Variants in IL1RAPL1 observed in about 807,000 individuals in gnomAD.
IL1RAPL1 encodes the protein interleukin-1 receptor accessory protein-like 1.
In IL1RAPL1, 3 loss-of-function variants were observed where a neutral mutation model predicts 48.4. That is an observed-to-expected ratio of 0.06 (90% confidence interval 0.03 to 0.16). IL1RAPL1 has a LOEUF of 0.16. Ranked by LOEUF, IL1RAPL1 falls within the 10% of genes least tolerant of loss-of-function variation. IL1RAPL1 has a pLI of 1.00. For missense variants in IL1RAPL1, 349 were observed against 530.6 expected (o/e 0.66, Z 3.36); for synonymous variants, 185 against 187.7 (o/e 0.99, Z 0.12).
Position 29,390,512 on chromosome X carries a change from A to G in IL1RAPL1, c.363-5746A>G, listed in dbSNP as rs1040471. Reference sequence around the variant, plus strand: ...ATGAAGTAGGAAAAGATTGCCAAACATTATGAAAATGGTATTTCCCTTAGG... The same window carrying G: ...ATGAAGTAGGAAAAGATTGCCAAACGTTATGAAAATGGTATTTCCCTTAGG... On this transcript the variant is annotated intron_variant, in intron 3 of 10. Coordinates refer to ENST00000378993, the MANE Select transcript of IL1RAPL1 (RefSeq NM_014271.4). Among the ~76,000 whole-genome samples the G allele has an allele frequency of 7.2e-5, 8 of 111,141 alleles. No homozygotes were observed. The East Asian group carries it at 2.0e-3, about 28-fold the overall frequency.
chrX:28,646,607 TG>T (rs1934613937), intron 1 of IL1RAPL1, among the ~76,000 whole-genome samples: 1 of 112,504 alleles, frequency 8.9e-6, no homozygotes, highest in Admixed American at 9.4e-5. Context: ...CAGAGCAGTG[TG>T]GCAATTCTGA....
intron 6 of IL1RAPL1, among the ~76,000 whole-genome samples, chrX:29,831,689 T>A (rs923461645): frequency 9.0e-6 from 1 of 111,674 alleles, no homozygotes; most frequent in Non-Finnish European, 1.9e-5. Flanking sequence ...AAAAGTATAA[T>A]ACTGACCTAA....
chrX:29,492,087 C>G (rs1935164722), intron 5 of IL1RAPL1, among the ~76,000 whole-genome samples: 1 of 112,034 alleles, frequency 8.9e-6, no homozygotes, highest in Non-Finnish European at 1.9e-5. Context: ...AATTCTCATT[C>G]TGACCTTAAC....
At chrX:29,915,045 T>C (rs376596051) in intron 6 of IL1RAPL1, among the ~76,000 whole-genome samples, 268 of 108,805 alleles carry the variant, frequency 2.5e-3, no homozygotes, top group Non-Finnish European at 3.0e-3. Context: ...CCTGTAATCC[T>C]AGCACTTTGG....
intron 3 of IL1RAPL1, among the ~76,000 whole-genome samples, chrX:29,318,033 C>T (rs915238122): frequency 1.8e-5 from 2 of 111,927 alleles, no homozygotes; most frequent in Non-Finnish European, 3.8e-5. Context: ...CAGCACCCAG[C>T]TCTCCAAGAT....
chrX:28,591,107 A>G (rs1203539336), intron 1 of IL1RAPL1, among the ~76,000 whole-genome samples: 1 of 111,873 alleles, frequency 8.9e-6, no homozygotes, highest in Non-Finnish European at 1.9e-5. Context: ...TCTATTTTCT[A>G]TTTTATTTCC....
intron 1 of IL1RAPL1, among the ~76,000 whole-genome samples, chrX:28,757,284 CAA>C: frequency 8.9e-6 from 1 of 112,573 alleles, no homozygotes; most frequent in East Asian, 2.8e-4. Flanking sequence ...TGACACAAAA[CAA>C]GAGAAAACAA....
chrX:28,914,153 G>A (rs937404350), intron 2 of IL1RAPL1, among the ~76,000 whole-genome samples: 2 of 110,817 alleles, frequency 1.8e-5, no homozygotes, highest in Non-Finnish European at 3.8e-5. Flanking sequence ...AGGAAACTCA[G>A]TGGGATGACA....
intron 3 of IL1RAPL1, among the ~76,000 whole-genome samples, chrX:29,311,078 G>A (rs1366427743): frequency 9.0e-6 from 1 of 111,688 alleles, no homozygotes; most frequent in Non-Finnish European, 1.9e-5. Flanking sequence ...GCCAAAAGTA[G>A]AGATCAAAGC....
chrX:28,771,278 C>T (rs1243199064), intron 1 of IL1RAPL1, among the ~76,000 whole-genome samples: 8 of 111,755 alleles, frequency 7.2e-5, no homozygotes, highest in Non-Finnish European at 1.5e-4. Flanking sequence ...GACTGCTTTT[C>T]TCTGTGTTAC....
intron 6 of IL1RAPL1, among the ~76,000 whole-genome samples, chrX:29,901,946 A>G (rs1932503574): frequency 8.9e-6 from 1 of 112,196 alleles, no homozygotes; most frequent in African/African-American, 3.2e-5. Context: ...CACTTTGTGG[A>G]TGACTTGAAA....
chrX:28,800,201 C>A (rs1226281844), intron 2 of IL1RAPL1, among the ~76,000 whole-genome samples: 3 of 111,840 alleles, frequency 2.7e-5, no homozygotes, highest in East Asian at 5.6e-4. Context: ...TGTCTTTAAT[C>A]TCCTTCTGCT....
At chrX:28,690,850 C>T (rs1935169695) in intron 1 of IL1RAPL1, among the ~76,000 whole-genome samples, 1 of 111,432 alleles carries the variant, frequency 9.0e-6, no homozygotes, top group Non-Finnish European at 1.9e-5. Context: ...AAACCCACAA[C>T]CTTTACAATT....
chrX:28,860,763 G>A (rs771917207), intron 2 of IL1RAPL1, among the ~76,000 whole-genome samples: 40 of 111,042 alleles, frequency 3.6e-4, no homozygotes, highest in Non-Finnish European at 6.6e-4. Flanking sequence ...CACTGCGCCT[G>A]GCCTATTTCC....
At chrX:28,916,142 T>C (rs984097174) in intron 2 of IL1RAPL1, among the ~76,000 whole-genome samples, 1 of 110,633 alleles carries the variant, frequency 9.0e-6, no homozygotes, top group Non-Finnish European at 1.9e-5. Context: ...TTGGATTAAG[T>C]TCCTAATTTT....
At chrX:29,230,504 CAAAAAAAAAAAAAAAA>C (rs60539139) in intron 2 of IL1RAPL1, among the ~76,000 whole-genome samples, 1 of 16,589 alleles carries the variant, frequency 6.0e-5, no homozygotes, top group Non-Finnish European at 9.4e-5. Context: ...GTCCCTTTAC[CAAAAAAAAAAAAAAAA>C]AAAAAAAAAA....
chrX:29,535,952 ATAAC>A (rs1464702229), intron 5 of IL1RAPL1, among the ~76,000 whole-genome samples: 1 of 112,033 alleles, frequency 8.9e-6, no homozygotes, highest in Non-Finnish European at 1.9e-5. Context: ...CTGGAACTGA[ATAAC>A]TAAATCAGTG....
chrX:28,864,783 A>G (rs1601936613), intron 2 of IL1RAPL1, among the ~76,000 whole-genome samples: 1 of 111,758 alleles, frequency 8.9e-6, no homozygotes, highest in South Asian at 3.7e-4. Context: ...CTGTTTTTAG[A>G]TCAGTGTAGC....
chrX:29,463,403 C>T (rs918278521), intron 5 of IL1RAPL1, among the ~76,000 whole-genome samples: 2 of 111,984 alleles, frequency 1.8e-5, no homozygotes, highest in Non-Finnish European at 3.8e-5. Context: ...ATAGTGTAGA[C>T]CATGACTAAA....
Sources: allele counts gnomAD v4.1 joint callset (sites outside exome capture counted in the v4.1 genomes callset), GRCh38; gene constraint gnomAD v4.1.1; transcripts MANE v1.5; gene names NCBI Gene and HGNC (gene_info 2026-07-23, HGNC 2026-07-21).